PRR12: variants seen among roughly 807,000 people sequenced by gnomAD.
PRR12 encodes the protein proline rich 12, also known as proline-rich protein 12.
In PRR12, 12 loss-of-function variants were observed where a neutral mutation model predicts 138.0. That is an observed-to-expected ratio of 0.09 (90% CI 0.06 to 0.14). The LOEUF (loss-of-function observed/expected upper bound fraction) is 0.14. Among genes scored for constraint, PRR12 ranks in the 10% least tolerant of loss-of-function variants. The pLI, the probability that PRR12 is intolerant of heterozygous loss-of-function variation, is 1.00. For missense variants in PRR12, 2,692 were observed against 2,861.3 expected, an observed-to-expected ratio of 0.94 and a Z score of 1.35; for synonymous variants, 1,567 against 1,291.7, an observed-to-expected ratio of 1.21 and a Z score of -4.57.
chr19:49,611,922 CAAAAAAAAAAAA>C (rs58725614), intron 6 of PRR12, among the ~76,000 whole-genome samples: 19 of 38,664 alleles, frequency 4.9e-4, no homozygotes, highest in African/African-American at 2.4e-3. Flanking sequence ...GACTCCGTCT[CAAAAAAAAAAAA>C]AAAAAAAAAA....
intron 6 of PRR12, among the ~76,000 whole-genome samples, chr19:49,603,124 A>G (rs2080820857): frequency 6.6e-6 from 1 of 152,248 alleles, no homozygotes; most frequent in South Asian, 2.1e-4. Flanking sequence ...CTCATCATGA[A>G]TAAAGTTTGC....
Position 49,614,737 on chromosome 19 carries a change from C to T in PRR12, c.4890+88C>T. The T allele has an allele frequency of 1.3e-6, 2 of 1,483,370 alleles. No homozygotes were observed. Among genetic ancestry groups the T allele is most frequent in the Admixed American group, 2.0e-5 (1 of 50,270 alleles). 91.9% of individuals were successfully genotyped at this position (1,483,370 alleles called of 1,614,324 possible). A position where few individuals can be genotyped will look rare whatever the true frequency, so the allele number is the denominator to read the frequency against. ...TTCCCCTTAGTGTGGCTGTGACTCA[C>T]TCCACAGTGTATCTGGAAGGGGGCC... On this transcript the variant is annotated intron_variant, in intron 7 of 13. Transcript: ENST00000418929. The surrounding 1 kb of genome is among the most constrained non-coding windows in gnomAD (Gnocchi z 5.0).
rs1284592394 is a variant in PRR12 at position 49,596,810 on chromosome 19, G to T, written c.2475G>T (p.Glu825Asp). 4 of 1,599,332 alleles carry T rather than the reference G, an allele frequency of 2.5e-6. No homozygotes were observed. Among genetic ancestry groups the T allele is most frequent in the Admixed American group, 1.7e-5 (1 of 59,894 alleles). ...CCAAAGTCGGCGTCCACCTCCTTGA[G>T]CCAGCCACCCGCGATGGGGCACCCC... ...SASKVGVHLL[E>D]PATRDGAPQP... The change falls in exon 4 of 14, where the codon GAG (glutamate) becomes GAT (aspartate). Residue 825 changes from glutamate (E) to aspartate (D), a missense_variant. Glu to Asp is a conservative substitution (Grantham distance 45, BLOSUM62 2). Coordinates refer to ENST00000418929, the MANE Select transcript of PRR12 (RefSeq NM_020719.3). The surrounding 1 kb of genome is among the most constrained non-coding windows in gnomAD (Gnocchi z 5.6).
rs2122315989 is a variant in PRR12 at position 49,601,508 on chromosome 19, G to A, written c.4363G>A (p.Glu1455Lys). 6.6e-7 allele frequency: 1 copy of A among 1,518,324 alleles called. No individual in the cohort carries two copies. The highest frequency in any genetic ancestry group is 2.5e-5 in the East Asian group (1 of 40,426). The allele number at this position is 1,518,324 out of a possible 1,614,324, so 94.1% of individuals were successfully genotyped here. Residue 1455 changes from glutamate (E) to lysine (K), a missense_variant, in exon 6 of 14, where the codon GAG becomes AAG. Around this residue, in one of 11 missense-constraint regions of PRR12, gnomAD observed 231 missense variants for 200.8 expected, o/e 1.15. Coordinates refer to ENST00000418929, the MANE Select transcript of PRR12 (RefSeq NM_020719.3). ...NGTPEPPLLE[E>K]KPPPTPPPAP... is the part of the protein sequence containing the mutation. ...TCCCCCAGAGCCCCCGCTGCTGGAG[G>A]AGAAACCCCCACCCACTCCACCTCC...
At position 49,625,074 on chromosome 19, in the gene PRR12, G is replaced by A. The variant is rs199535556; in HGVS notation, c.5869-31G>A. On this transcript the variant is annotated intron_variant, in intron 12 of 13. Coordinates refer to ENST00000418929, the MANE Select transcript of PRR12 (RefSeq NM_020719.3). The surrounding 1 kb of genome is among the most constrained non-coding windows in gnomAD (Gnocchi z 5.5). ...AGAGGGGCTGCCAAGTGCCGGGCTG[G>A]AGGGGCTGAGGCATCTCCACTCCTA... The A allele has an allele frequency of 6.2e-6, 10 of 1,612,368 alleles. No homozygotes were observed. Among genetic ancestry groups the A allele is most frequent in the Admixed American group, 1.7e-5 (1 of 59,982 alleles).
chr19:49,596,048 G>A lies in PRR12; in HGVS notation c.1713G>A (p.Pro571=), dbSNP rs751966064. 2.5e-6 allele frequency: 4 copies of A among 1,601,360 alleles called. No individual in the cohort carries two copies. Among genetic ancestry groups the A allele is most frequent in the Admixed American group, 3.3e-5 (2 of 59,992 alleles). The change falls in exon 4 of 14, where the codon CCG becomes CCA. Residue 571 remains proline (P), a synonymous_variant. Transcript: ENST00000418929. The surrounding 1 kb of genome is among the most constrained non-coding windows in gnomAD (Gnocchi z 5.6). ...PSHIIRPLQS[P]PATGRPPGVG... is the part of the protein sequence containing the mutation. ...ACATCATTCGTCCGCTCCAGTCACC[G>A]CCTGCCACCGGCCGTCCACCTGGAG...
intron 9 of PRR12, among the ~76,000 whole-genome samples, chr19:49,620,079 C>G (rs969042974): frequency 1.6e-4 from 24 of 152,102 alleles, no homozygotes; most frequent in African/African-American, 5.3e-4. Flanking sequence ...TATCAAACTC[C>G]TGACCTTAGG....
chr19:49,625,442 C>A lies in PRR12; in HGVS notation c.5965-19C>A. On this transcript the variant is annotated intron_variant, in intron 13 of 13. Coordinates refer to ENST00000418929, the MANE Select transcript of PRR12 (RefSeq NM_020719.3). This position sits in a 1 kb window ranked among gnomAD's most constrained non-coding sequence, Gnocchi z 5.5. ...GGCCGGTGTGCCACCCTCCCCAGTG[C>A]CATGTTTGACCCCTGCAGACCCTGG... 6.3e-7 allele frequency: 1 copy of A among 1,586,148 alleles called. No individual in the cohort carries two copies. The highest frequency in any genetic ancestry group is 8.6e-7 in the Non-Finnish European group (1 of 1,168,444).
intron 5 of PRR12, 112 bp downstream of exon 5, chr19:49,600,050 TAAG>T: frequency 3.4e-6 from 4 of 1,189,306 alleles, no homozygotes; most frequent in Non-Finnish European, 4.6e-6. Flanking sequence ...ATACATGGTG[TAAG>T]CTTGCGTGTT....
chr19:49,606,799 A>G (rs908759973), intron 6 of PRR12, among the ~76,000 whole-genome samples: 1 of 151,814 alleles, frequency 6.6e-6, no homozygotes, highest in Non-Finnish European at 1.5e-5. Flanking sequence ...GGCACCTGCC[A>G]CCATGCCTGG....
chr19:49,607,692 A>T (rs1226062494), intron 6 of PRR12, among the ~76,000 whole-genome samples: 1 of 147,450 alleles, frequency 6.8e-6, no homozygotes, highest in Non-Finnish European at 1.5e-5. Flanking sequence ...TGGGTGACAG[A>T]GCGAGACCCT....
rs570886872 is a variant in PRR12 at position 49,616,743 on chromosome 19, C to T, written c.5497+524C>T. ...ACCTGTAAAATGGGTTCATAATAGA[C>T]GAAGCTCATAGGAGAGTGCCAATCT... On this transcript the variant is annotated intron_variant, in intron 9 of 13. Coordinates refer to ENST00000418929, the MANE Select transcript of PRR12 (RefSeq NM_020719.3). This position sits in a 1 kb window ranked among gnomAD's most constrained non-coding sequence, Gnocchi z 4.2. 1.2e-4 allele frequency among the ~76,000 whole-genome samples: 18 copies of T among 152,200 alleles called. No homozygotes were observed. The South Asian group carries it at 2.9e-3, about 25-fold the overall frequency.
chr19:49,621,760 G>A (rs1030588960), intron 11 of PRR12, 138 bp downstream of exon 11: 2 of 693,506 alleles, frequency 2.9e-6, no homozygotes, highest in Non-Finnish European at 4.9e-6. Context: ...AAAAGTTGAG[G>A]GCAGGACTGT....
intron 9 of PRR12, among the ~76,000 whole-genome samples, chr19:49,618,354 C>T (rs1201686395): frequency 6.6e-6 from 1 of 152,032 alleles, no homozygotes; most frequent in African/African-American, 2.4e-5. Flanking sequence ...CCTGACCAGA[C>T]TTCCCAGGAG....
chr19:49,596,341 A>G lies in PRR12; in HGVS notation c.2006A>G (p.Asp669Gly). The change falls in exon 4 of 14, where the codon GAT (aspartate) becomes GGT (glycine). Residue 669 changes from aspartate (D) to glycine (G), a missense_variant. By Grantham distance (94) the Asp-to-Gly change is moderately conservative. Coordinates refer to ENST00000418929, the MANE Select transcript of PRR12 (RefSeq NM_020719.3). The surrounding 1 kb of genome is among the most constrained non-coding windows in gnomAD (Gnocchi z 5.6). ...TTGGTGGGCGAGGACGGGGCAGCAG[A>G]TGCCTCTAAGGGACTTGGGGGGAGT... ...DGLVGEDGAA[D>G]ASKGLGGSGG... is the part of the protein sequence containing the mutation. The G allele has an allele frequency of 1.2e-6, 2 of 1,609,756 alleles. No homozygotes were observed. The highest frequency in any genetic ancestry group is 8.5e-7 in the Non-Finnish European group (1 of 1,179,432).
chr19:49,615,225 A>G (rs1176991078), intron 8 of PRR12, among the ~76,000 whole-genome samples: 1 of 148,346 alleles, frequency 6.7e-6, no homozygotes, highest in African/African-American at 2.5e-5. Context: ...ACAGAGACCC[A>G]GAGGTGGGGG....
chr19:49,598,154 A>G (rs1465855617), intron 4 of PRR12, 141 bp downstream of exon 4: 3 of 984,758 alleles, frequency 3.0e-6, no homozygotes, highest in Non-Finnish European at 3.9e-6. Flanking sequence ...GTTCACTGCA[A>G]GCTCCGCCTC....
Position 49,616,219 on chromosome 19 carries a change from G to A in PRR12, c.5497G>A (p.Glu1833Lys). The change falls in exon 9 of 14, where the codon GAG becomes AAG. Residue 1833 changes from glutamate (E) to lysine (K), a missense_variant and splice_region_variant. By Grantham distance (56) the Glu-to-Lys change is moderately conservative. Coordinates refer to ENST00000418929, the MANE Select transcript of PRR12 (RefSeq NM_020719.3). This position sits in a 1 kb window ranked among gnomAD's most constrained non-coding sequence, Gnocchi z 4.2. ...ESSPGAPSED[E>K]RAVPGRLLKT... is the part of the protein sequence containing the mutation. ...CTCCCCTGGAGCCCCCAGCGAGGAC[G>A]GTGAGGCCCTAGGCAGCCTCAGGGC... 3 of 1,525,890 alleles carry A rather than the reference G, an allele frequency of 2.0e-6. No individual in the cohort carries two copies. Among genetic ancestry groups the A allele is most frequent in the Non-Finnish European group, 1.8e-6 (2 of 1,134,372 alleles). 94.5% of individuals were successfully genotyped at this position (1,525,890 alleles called of 1,614,324 possible).
At position 49,601,645 on chromosome 19, in the gene PRR12, G is replaced by GCTGCCGCCGCCACCTCCA. The variant is rs768728655; in HGVS notation, c.4502_4519dup (p.Leu1501_Pro1506dup). 98 of 1,535,884 alleles carry GCTGCCGCCGCCACCTCCA rather than the reference G, an allele frequency of 6.4e-5. No individual in the cohort carries two copies. Among genetic ancestry groups the GCTGCCGCCGCCACCTCCA allele is most frequent in the Non-Finnish European group, 8.2e-5 (94 of 1,144,800 alleles). On this transcript the variant is annotated inframe_insertion, in exon 6 of 14. Transcript: ENST00000418929. ...CGCCCAGCTCACCACCGCCACCGCC[G>GCTGCCGCCGCCACCTCCA]CTGCCGCCGCCACCTCCACCAGCCA...
Sources: gnomAD v4.1 joint callset for allele counts (sites outside exome capture counted in the v4.1 genomes callset) on GRCh38, gnomAD v4.1.1 for gene constraint, gnomAD v4.1.1 regional missense constraint, Gnocchi (gnomAD v3.1) non-coding constraint, MANE v1.5 for transcripts, NCBI Gene and HGNC (gene_info 2026-07-23, HGNC 2026-07-21) for gene names.